AIMP2: variants seen among roughly 807,000 people sequenced by gnomAD.
The protein encoded by AIMP2 is aminoacyl tRNA synthase complex-interacting multifunctional protein 2.
A neutral mutation model predicts 23.4 loss-of-function variants in AIMP2; 20 were observed. The observed-to-expected ratio is 0.85, with a 90% CI of 0.60 to 1.24. AIMP2 has a LOEUF of 1.24. AIMP2 is among the 50% of genes most tolerant of loss of function. The pLI is 0.00. For synonymous variants in AIMP2, 210 were observed against 170.4 expected, an observed-to-expected ratio of 1.23 and a Z score of -1.81; for missense variants, 515 against 414.5, an observed-to-expected ratio of 1.24 and a Z score of -2.10.
chr7:6,012,787 A>T (rs927263911), intron 1 of AIMP2: 50 of 1,006,958 alleles, frequency 5.0e-5, no homozygotes, highest in Non-Finnish European at 5.8e-5. Flanking sequence ...CCTGACCTCA[A>T]GTGATCCACC....
chr7:6,023,102 C>G (rs1157705856), intron 3 of AIMP2: 1 of 610,444 alleles, frequency 1.6e-6, no homozygotes, highest in African/African-American at 1.9e-5. Flanking sequence ...TCTTTGGTTA[C>G]TTTTTTAACA....
At position 6,009,301 on chromosome 7, in the gene AIMP2, C is replaced by T. The variant is rs769730875; in HGVS notation, c.-63C>T. On this transcript the variant is annotated 5_prime_UTR_variant, in exon 1 of 4. Coordinates refer to ENST00000223029, the MANE Select transcript of AIMP2 (RefSeq NM_006303.4). ...GGGAGGTGGCCGGTCTCCGTCGTGA[C>T]CTCTGACGGTTTCTGAGCGTTGGCC... The T allele has an allele frequency of 3.1e-6, 5 of 1,610,412 alleles. No individual in the cohort carries two copies. Among genetic ancestry groups the T allele is most frequent in the Non-Finnish European group, 3.4e-6 (4 of 1,179,402 alleles).
intron 3 of AIMP2, 31 bp downstream of exon 3, chr7:6,018,076 C>T (rs1469857036): frequency 1.3e-6 from 2 of 1,548,342 alleles, no homozygotes; most frequent in South Asian, 1.1e-5. Flanking sequence ...TCAACTTACA[C>T]ACAGCTGCCC....
chr7:6,021,680 G>A (rs889622123), intron 3 of AIMP2, among the ~76,000 whole-genome samples: 2 of 152,120 alleles, frequency 1.3e-5, no homozygotes, highest in Non-Finnish European at 2.9e-5. Flanking sequence ...AGTGCCAGAC[G>A]TTGAGGAAGA....
At chr7:6,019,470 G>A (rs1222425225) in intron 3 of AIMP2, among the ~76,000 whole-genome samples, 3 of 123,290 alleles carry the variant, frequency 2.4e-5, no homozygotes, top group African/African-American at 9.5e-5. Flanking sequence ...GGGCGACACA[G>A]CAAGACTCCG....
intron 1 of AIMP2, among the ~76,000 whole-genome samples, chr7:6,014,699 C>G (rs1421454372): frequency 6.6e-6 from 1 of 151,844 alleles, no homozygotes; most frequent in Non-Finnish European, 1.5e-5. Context: ...ACTTGCATCC[C>G]ATAATGTCTT....
chr7:6,023,306 C>A lies in AIMP2; in HGVS notation c.578C>A (p.Pro193Gln). 1 of 1,592,262 alleles carries A rather than the reference C, an allele frequency of 6.3e-7. No individual in the cohort carries two copies. Among genetic ancestry groups the A allele is most frequent in the Non-Finnish European group, 8.5e-7 (1 of 1,171,296 alleles). ...CTGGCGTGTTTTTTCTTTTCAGTGC[C>A]GAAGACGCAGATGAAATTCAGCATC... is the stretch of plus-strand genomic sequence containing the variant. ...LGFTLIWKNVPKTQMKFSIQT... is the reference protein window; with the variant it reads ...LGFTLIWKNVQKTQMKFSIQT... The change falls in exon 4 of 4, where the codon CCG becomes CAG. Residue 193 changes from proline (P) to glutamine (Q), a missense_variant. Physicochemically the swap from Pro to Gln is moderately conservative, Grantham distance 76. Transcript: ENST00000223029.
chr7:6,009,898 G>C (rs1786444322), intron 1 of AIMP2, among the ~76,000 whole-genome samples: 2 of 137,514 alleles, frequency 1.5e-5, no homozygotes, highest in Admixed American at 7.7e-5. Context: ...GCAGTGAGCT[G>C]AGATCGAGCC....
At position 6,023,784 on chromosome 7, in the gene AIMP2, C is replaced by A; in HGVS notation, c.*93C>A. 6.3e-7 allele frequency: 1 copy of A among 1,599,464 alleles called. No individual in the cohort carries two copies. The highest frequency in any genetic ancestry group is 8.5e-7 in the Non-Finnish European group (1 of 1,171,736). ...AGGGGACTTGTATTAGAGTCAGAGT[C>A]TTTTTATTTAGGCCAGTTGTCAAGT... On this transcript the variant is annotated 3_prime_UTR_variant, in exon 4 of 4. Transcript: ENST00000223029.
chr7:6,014,920 A>G (rs1786925374), intron 1 of AIMP2: 1 of 822,916 alleles, frequency 1.2e-6, no homozygotes, highest in South Asian at 1.8e-5. Context: ...GGGTTTCACC[A>G]TGTTGGCCAG....
chr7:6,015,465 C>A (rs1786968768), intron 2 of AIMP2, 113 bp downstream of exon 2: 3 of 1,169,676 alleles, frequency 2.6e-6, no homozygotes, highest in Non-Finnish European at 3.7e-6. Flanking sequence ...TGGCTCACGC[C>A]TGTAATTCCA....
chr7:6,017,179 TTGAG>T (rs1442649053), intron 2 of AIMP2, among the ~76,000 whole-genome samples: 1 of 152,040 alleles, frequency 6.6e-6, no homozygotes, highest in Non-Finnish European at 1.5e-5. Context: ...GTTGGAAAGA[TTGAG>T]TAGCTGGAAT....
At chr7:6,016,830 G>A (rs1174806351) in intron 2 of AIMP2, 1 of 152,708 alleles carries the variant, frequency 6.5e-6, no homozygotes, top group South Asian at 2.1e-4. Context: ...TCATTATTAC[G>A]AGTGAAAGCG....
chr7:6,019,113 C>T lies in AIMP2; in HGVS notation c.574+1068C>T, dbSNP rs978156440. The stretch of plus-strand genomic sequence containing the variant: ...TGTACTGCTGGAATAATTTCACAGC[C>T]GCCTCCAGCGTGGGGAGTGTCTGCT... On this transcript the variant is annotated intron_variant, in intron 3 of 3. Transcript: ENST00000223029. 7.9e-5 allele frequency among the ~76,000 whole-genome samples: 12 copies of T among 151,524 alleles called. No homozygotes were observed. In the East Asian group the frequency reaches 2.0e-3, roughly 25 times the overall value.
intron 2 of AIMP2, among the ~76,000 whole-genome samples, chr7:6,016,264 A>T (rs1469681765): frequency 6.6e-6 from 1 of 152,216 alleles, no homozygotes; most frequent in Non-Finnish European, 1.5e-5. Flanking sequence ...ATATGCAAAG[A>T]AAGACCACCT....
At position 6,015,814 on chromosome 7, in the gene AIMP2, C is replaced by T. The variant is rs956437671; in HGVS notation, c.342+462C>T. 3.9e-5 allele frequency among the ~76,000 whole-genome samples: 6 copies of T among 152,210 alleles called. No homozygotes were observed. In the South Asian group the frequency reaches 1.2e-3, roughly 31 times the overall value. ...TCTTCTCTAAATGAGTGTGCCTTTG[C>T]ACAGAACAGAGTCCCAGGGCAGGAG... On this transcript the variant is annotated intron_variant, in intron 2 of 3. Transcript: ENST00000223029.
Position 6,023,349 on chromosome 7 carries a change from C to T in AIMP2, c.621C>T (p.Ile207=), listed in dbSNP as rs751740812. ...TCAGCATCCAGACGATGTGCCCCATCGAAGGCGAAGGGAACATTGCACGTT... is the reference window on the plus strand; with the variant it reads ...TCAGCATCCAGACGATGTGCCCCATTGAAGGCGAAGGGAACATTGCACGTT... ...MKFSIQTMCP[I]EGEGNIARFL... is the part of the protein sequence containing the mutation. Residue 207 remains isoleucine (I), a synonymous_variant, in exon 4 of 4, where the codon ATC becomes ATT. Coordinates refer to ENST00000223029, the MANE Select transcript of AIMP2 (RefSeq NM_006303.4). 11 of 1,611,036 alleles carry T rather than the reference C, an allele frequency of 6.8e-6. No individual in the cohort carries two copies. Among genetic ancestry groups the T allele is most frequent in the East Asian group, 6.7e-5 (3 of 44,894 alleles).
At chr7:6,013,354 C>T (rs182479018) in intron 1 of AIMP2, among the ~76,000 whole-genome samples, 11 of 148,896 alleles carry the variant, frequency 7.4e-5, no homozygotes, top group Admixed American at 5.5e-4. Flanking sequence ...CTCCGCCTCC[C>T]GGGTTCAAGC....
chr7:6,016,224 C>T (rs139963764), intron 2 of AIMP2, among the ~76,000 whole-genome samples: 3 of 152,302 alleles, frequency 2.0e-5, no homozygotes, highest in Admixed American at 6.5e-5. Flanking sequence ...TTGAAGTTTA[C>T]AGGCTTCAGC....
Sources: allele counts gnomAD v4.1 joint callset (sites outside exome capture counted in the v4.1 genomes callset), GRCh38; gene constraint gnomAD v4.1.1; transcripts MANE v1.5; gene names NCBI Gene and HGNC (gene_info 2026-07-23, HGNC 2026-07-21).